Variants in SUPT3H observed in about 807,000 individuals in gnomAD.
SUPT3H encodes transcription initiation protein SPT3 homolog.
Under a neutral mutation model 44.3 loss-of-function variants are expected in SUPT3H, and 44 were observed. That is an observed-to-expected ratio of 0.99 (90% CI 0.78 to 1.28). SUPT3H has a LOEUF of 1.28. SUPT3H is among the 50% of genes most tolerant of loss of function. The pLI is 0.00. For synonymous variants in SUPT3H, 124 were observed against 125.6 expected (o/e 0.99, Z 0.09); for missense variants, 380 against 387.1 (o/e 0.98, Z 0.15).
At chr6:44,976,243 T>TA (rs1173603287) in intron 6 of SUPT3H, among the ~76,000 whole-genome samples, 17 of 152,318 alleles carry the variant, frequency 1.1e-4, no homozygotes, top group African/African-American at 4.1e-4. Context: ...CAAGTATGAC[T>TA]ATCACGAAGA....
At chr6:45,130,874 C>T (rs750776176) in intron 2 of SUPT3H, among the ~76,000 whole-genome samples, 4 of 151,728 alleles carry the variant, frequency 2.6e-5, no homozygotes, top group Non-Finnish European at 4.4e-5. Context: ...TGTGCCACCA[C>T]GCCCAGCTAA....
chr6:44,831,264 T>C (rs1768673601), intron 10 of SUPT3H, among the ~76,000 whole-genome samples: 1 of 152,204 alleles, frequency 6.6e-6, no homozygotes, highest in Admixed American at 6.5e-5. Context: ...CCAAGTGTCA[T>C]TCCTCAGTGT....
At chr6:45,356,643 G>A (rs1793248783) in intron 2 of SUPT3H, among the ~76,000 whole-genome samples, 1 of 151,946 alleles carries the variant, frequency 6.6e-6, no homozygotes, top group African/African-American at 2.4e-5. Flanking sequence ...GACCTCAAGT[G>A]ATCTGCCCAC....
chr6:44,928,932 A>AAAACC (rs1770078774), intron 10 of SUPT3H, among the ~76,000 whole-genome samples: 1 of 150,590 alleles, frequency 6.6e-6, no homozygotes, highest in African/African-American at 2.4e-5. Context: ...ATCACCAATG[A>AAAACC]AAACCAATAT....
chr6:45,032,318 AGGGCT>A (rs1315300336), intron 3 of SUPT3H, among the ~76,000 whole-genome samples: 1 of 152,182 alleles, frequency 6.6e-6, no homozygotes, highest in Non-Finnish European at 1.5e-5. Flanking sequence ...GTTATTAAAA[AGGGCT>A]CAGGAAGGTG....
intron 6 of SUPT3H, among the ~76,000 whole-genome samples, chr6:44,994,491 T>C (rs543787180): frequency 1.7e-4 from 26 of 152,198 alleles, no homozygotes; most frequent in Non-Finnish European, 3.2e-4. Flanking sequence ...CATTACTTCT[T>C]CCTAAAGTTC....
chr6:45,125,827 C>CAA (rs5875911), intron 2 of SUPT3H, among the ~76,000 whole-genome samples: 61,730 of 147,156 alleles, frequency 0.42, 13,435 homozygotes, highest in East Asian at 0.61. Flanking sequence ...AAACTATTAC[C>CAA]AAAAAAAAAA....
rs887617269 is a variant in SUPT3H, at chr6:45,218,814, C to T, written c.102-112808G>A. On this transcript the variant is annotated intron_variant, in intron 2 of 10. Coordinates refer to ENST00000371459, the MANE Select transcript of SUPT3H (RefSeq NM_003599.4). ...CTCAACAAAATCAAATTAAAACATA[C>T]AAATACTACACCAGAAAAAAGTACC... 3.3e-5 allele frequency among the ~76,000 whole-genome samples: 5 copies of T among 152,174 alleles called. No individual in the cohort carries two copies. The South Asian group carries it at 8.3e-4, about 25-fold the overall frequency.
At chr6:44,970,019 T>C (rs954989585) in intron 6 of SUPT3H, among the ~76,000 whole-genome samples, 6 of 152,132 alleles carry the variant, frequency 3.9e-5, no homozygotes, top group African/African-American at 1.4e-4. Flanking sequence ...AAAAAGATAT[T>C]TGTGCTACTA....
intron 10 of SUPT3H, among the ~76,000 whole-genome samples, chr6:44,888,992 A>C (rs567198381): frequency 0.011 from 1,524 of 139,330 alleles, 23 homozygotes; most frequent in South Asian, 0.031. Context: ...AGAGAGCCAA[A>C]TCATGAGTGA....
chr6:44,915,553 C>G (rs1433025023), intron 10 of SUPT3H, among the ~76,000 whole-genome samples: 1 of 152,122 alleles, frequency 6.6e-6, no homozygotes, highest in Non-Finnish European at 1.5e-5. Context: ...GGGGGTTGGA[C>G]ATGCCACATT....
At chr6:45,006,188 T>C (rs888715556) in intron 5 of SUPT3H, among the ~76,000 whole-genome samples, 6 of 152,156 alleles carry the variant, frequency 3.9e-5, no homozygotes, top group African/African-American at 1.4e-4. Context: ...TACCATTTAT[T>C]TGTTCATCGC....
intron 10 of SUPT3H, among the ~76,000 whole-genome samples, chr6:44,884,671 C>T (rs1022887530): frequency 1.3e-5 from 2 of 152,196 alleles, no homozygotes; most frequent in African/African-American, 4.8e-5. Flanking sequence ...CGGTCTACAG[C>T]TCCCAGCATG....
rs560251679 is a variant in SUPT3H, at chr6:45,228,480, AGCT to A, written c.102-122477_102-122475del. ...CATTGCCTTTTCCTGGTTATATAGGAGCTTCTAGCCTTCAGATTCAAATTGGTA... is the reference window on the plus strand; with the variant it reads ...CATTGCCTTTTCCTGGTTATATAGGATCTAGCCTTCAGATTCAAATTGGTA... On this transcript the variant is annotated intron_variant, in intron 2 of 10. Coordinates refer to ENST00000371459, the MANE Select transcript of SUPT3H (RefSeq NM_003599.4). Among the ~76,000 whole-genome samples, 632 of 152,176 alleles carry A rather than the reference AGCT, an allele frequency of 4.2e-3. 5 individuals are homozygous for A. The highest frequency in any genetic ancestry group is 0.015 in the African/African-American group (606 of 41,506).
At chr6:45,256,839 T>A (rs1040125470) in intron 2 of SUPT3H, among the ~76,000 whole-genome samples, 2 of 152,228 alleles carry the variant, frequency 1.3e-5, no homozygotes, top group Non-Finnish European at 2.9e-5. Context: ...ACTCACGCAC[T>A]GATGAACATT....
At chr6:44,893,991 CAT>C (rs1270340403) in intron 10 of SUPT3H, among the ~76,000 whole-genome samples, 8 of 137,508 alleles carry the variant, frequency 5.8e-5, no homozygotes, top group Admixed American at 7.5e-5. Flanking sequence ...AGCATTTTTT[CAT>C]GTGTTTTTTG....
chr6:44,985,212 T>TAAAAA (rs3053669), intron 6 of SUPT3H, among the ~76,000 whole-genome samples: 2 of 113,608 alleles, frequency 1.8e-5, no homozygotes, highest in Non-Finnish European at 3.5e-5. Context: ...AATAAATAAA[T>TAAAAA]AAATAAAATA....
At chr6:45,164,118 A>T (rs2153602584) in intron 2 of SUPT3H, among the ~76,000 whole-genome samples, 1 of 152,262 alleles carries the variant, frequency 6.6e-6, no homozygotes, top group Admixed American at 6.5e-5. Flanking sequence ...GCTCTCACAC[A>T]GAGATGCCCA....
intron 2 of SUPT3H, among the ~76,000 whole-genome samples, chr6:45,110,619 C>G (rs886486513): frequency 6.6e-6 from 1 of 151,832 alleles, no homozygotes; most frequent in African/African-American, 2.4e-5. Context: ...GCTTTACTAT[C>G]TTATGTTGAA....
Sources: allele counts gnomAD v4.1 joint callset (sites outside exome capture counted in the v4.1 genomes callset), GRCh38; gene constraint gnomAD v4.1.1; transcripts MANE v1.5; gene names NCBI Gene and HGNC (gene_info 2026-07-23, HGNC 2026-07-21).